SUPT3H: variants seen among roughly 807,000 people sequenced by gnomAD.
SUPT3H encodes the protein SPT3 homolog, SAGA and STAGA complex component.
In SUPT3H, 44 loss-of-function variants were observed where a neutral mutation model predicts 44.3. That is an observed-to-expected ratio of 0.99 (90% CI 0.78 to 1.28). The LOEUF (loss-of-function observed/expected upper bound fraction) is 1.28. Ranked by LOEUF, SUPT3H falls within the 50% of genes most tolerant of loss-of-function variation. The probability of loss-of-function intolerance (pLI) is 0.00; values close to 1 mark genes in which losing one functional copy is unlikely to be tolerated. For missense variants in SUPT3H, 380 were observed against 387.1 expected, an observed-to-expected ratio of 0.98 and a Z score of 0.15; for synonymous variants, 124 against 125.6, an observed-to-expected ratio of 0.99 and a Z score of 0.09.
chr6:45,322,665 C>T lies in SUPT3H; in HGVS notation c.101+42536G>A, dbSNP rs551024013. Among the ~76,000 whole-genome samples, 17 of 152,178 alleles carry T rather than the reference C, an allele frequency of 1.1e-4. 1 individual carries two copies. In the South Asian group the frequency reaches 3.5e-3, roughly 32 times the overall value. ...ACAAATAGAGACCTAAATCTGCGAT[C>T]GCCTTTACTGAAACCAATGAAAAAT... On this transcript the variant is annotated intron_variant, in intron 2 of 10. Coordinates refer to ENST00000371459, the MANE Select transcript of SUPT3H (RefSeq NM_003599.4).
intron 2 of SUPT3H, among the ~76,000 whole-genome samples, chr6:45,254,997 G>A (rs1773093830): frequency 6.6e-6 from 1 of 152,146 alleles, no homozygotes; most frequent in Non-Finnish European, 1.5e-5. Flanking sequence ...TCAATTTGCT[G>A]TACTGCACCA....
At chr6:45,199,012 A>G (rs1331725713) in intron 2 of SUPT3H, among the ~76,000 whole-genome samples, 5 of 151,372 alleles carry the variant, frequency 3.3e-5, no homozygotes, top group Admixed American at 3.3e-4. Context: ...ACATTTTAAA[A>G]TCTTAAGACT....
chr6:45,068,700 TAC>T (rs1304756591), intron 3 of SUPT3H, among the ~76,000 whole-genome samples: 1 of 152,170 alleles, frequency 6.6e-6, no homozygotes, highest in Non-Finnish European at 1.5e-5. Context: ...TCAACTTTGT[TAC>T]TGTCACTGTG....
chr6:45,229,191 TTAA>T (rs1413822435), intron 2 of SUPT3H, among the ~76,000 whole-genome samples: 1 of 152,118 alleles, frequency 6.6e-6, no homozygotes, highest in African/African-American at 2.4e-5. Context: ...TTTGGGTTTT[TTAA>T]TTTTATTTTT....
At chr6:44,928,656 G>A (rs2153459652) in intron 10 of SUPT3H, among the ~76,000 whole-genome samples, 1 of 151,956 alleles carries the variant, frequency 6.6e-6, no homozygotes, top group Middle Eastern at 3.4e-3. Context: ...AGCACTTTGG[G>A]AGGCCGAGGC....
chr6:45,158,298 A>ATATATATATATATATATATATATTT, intron 2 of SUPT3H, among the ~76,000 whole-genome samples: 10 of 99,680 alleles, frequency 1.0e-4, no homozygotes, highest in African/African-American at 4.0e-4. Flanking sequence ...ATATATATAT[A>ATATATATATATATATATATATATTT]TTTTTTTTTT....
chr6:45,322,924 T>C (rs774455633), intron 2 of SUPT3H: 2 of 1,612,862 alleles, frequency 1.2e-6, no homozygotes, highest in Non-Finnish European at 1.7e-6. Flanking sequence ...CATGAGTCCA[T>C]GGAGAAAAGC....
At chr6:45,128,937 C>T (rs562103190) in intron 2 of SUPT3H, among the ~76,000 whole-genome samples, 44 of 152,246 alleles carry the variant, frequency 2.9e-4, no homozygotes, top group East Asian at 1.5e-3. Flanking sequence ...CCGCCTGCCT[C>T]GGCCTCCCAA....
chr6:44,983,085 C>T (rs749287214), intron 6 of SUPT3H, among the ~76,000 whole-genome samples: 6 of 152,108 alleles, frequency 3.9e-5, no homozygotes, highest in Non-Finnish European at 8.8e-5. Flanking sequence ...TTATGGTATT[C>T]AAATGTATGT....
At chr6:45,057,005 A>G (rs1791232793) in intron 3 of SUPT3H, among the ~76,000 whole-genome samples, 2 of 152,156 alleles carry the variant, frequency 1.3e-5, no homozygotes, top group African/African-American at 4.8e-5. Context: ...AAGGCTTTAA[A>G]TAAGGTATTA....
At chr6:45,151,009 C>A (rs964214563) in intron 2 of SUPT3H, among the ~76,000 whole-genome samples, 1 of 152,116 alleles carries the variant, frequency 6.6e-6, no homozygotes, top group Non-Finnish European at 1.5e-5. Flanking sequence ...GCGTGAGCCA[C>A]CGCACCCAGC....
At chr6:45,370,479 G>A (rs1795877170) in intron 1 of SUPT3H, among the ~76,000 whole-genome samples, 1 of 152,122 alleles carries the variant, frequency 6.6e-6, no homozygotes, top group African/African-American at 2.4e-5. Context: ...CAGAAGCTTT[G>A]TGAGAGATGT....
At chr6:44,915,537 G>A (rs540959283) in intron 10 of SUPT3H, among the ~76,000 whole-genome samples, 1 of 152,204 alleles carries the variant, frequency 6.6e-6, no homozygotes, top group Non-Finnish European at 1.5e-5. Context: ...TGCCATGATG[G>A]GAAGTGGGGG....
chr6:44,951,501 T>C (rs1367289347), intron 9 of SUPT3H, among the ~76,000 whole-genome samples: 1 of 152,034 alleles, frequency 6.6e-6, no homozygotes, highest in Non-Finnish European at 1.5e-5. Flanking sequence ...TCTCTGAATA[T>C]TCATCTTGAC....
intron 2 of SUPT3H, among the ~76,000 whole-genome samples, chr6:45,333,917 T>C (rs1186084913): frequency 6.6e-6 from 1 of 151,320 alleles, no homozygotes; most frequent in Non-Finnish European, 1.5e-5. Context: ...TTTCATCTTT[T>C]AAATCAACTG....
At chr6:45,128,488 A>G (rs1802785710) in intron 2 of SUPT3H, among the ~76,000 whole-genome samples, 1 of 118,730 alleles carries the variant, frequency 8.4e-6, no homozygotes, top group Non-Finnish European at 1.7e-5. Flanking sequence ...CTGGCAACAG[A>G]GCAAGACTCT....
At chr6:45,199,933 T>C (rs894413100) in intron 2 of SUPT3H, among the ~76,000 whole-genome samples, 1 of 151,428 alleles carries the variant, frequency 6.6e-6, no homozygotes, top group Admixed American at 6.6e-5. Context: ...AATTTTTCTG[T>C]TCCAAGGAAA....
chr6:45,231,586 T>C (rs925887776), intron 2 of SUPT3H, among the ~76,000 whole-genome samples: 1 of 152,166 alleles, frequency 6.6e-6, no homozygotes, highest in South Asian at 2.1e-4. Flanking sequence ...CCTTTTTACA[T>C]TGCATGTGAT....
intron 9 of SUPT3H, among the ~76,000 whole-genome samples, chr6:44,945,422 T>C (rs1184633330): frequency 1.3e-5 from 2 of 152,192 alleles, no homozygotes; most frequent in African/African-American, 4.8e-5. Flanking sequence ...CAAGACAGGA[T>C]GAAAGCTAGC....
Sources: allele counts gnomAD v4.1 joint callset (sites outside exome capture counted in the v4.1 genomes callset), GRCh38; gene constraint gnomAD v4.1.1; transcripts MANE v1.5; gene names NCBI Gene and HGNC (gene_info 2026-07-23, HGNC 2026-07-21).